Variants in PITPNM2 observed in about 807,000 individuals in gnomAD.
The protein encoded by PITPNM2 is phosphatidylinositol transfer protein membrane associated 2.
A neutral mutation model predicts 132.2 loss-of-function variants in PITPNM2; 35 were observed. That is an observed-to-expected ratio of 0.26 (90% CI 0.20 to 0.35). The LOEUF (loss-of-function observed/expected upper bound fraction) is 0.35. Ranked by LOEUF, PITPNM2 falls within the 10% of genes least tolerant of loss-of-function variation. The pLI, the probability that PITPNM2 is intolerant of heterozygous loss-of-function variation, is 1.00. For missense variants in PITPNM2, 1,332 were observed against 1,912.0 expected (o/e 0.70, Z 5.66); for synonymous variants, 738 against 799.2 (o/e 0.92, Z 1.29).
intron 2 of PITPNM2, among the ~76,000 whole-genome samples, chr12:123,047,454 G>T (rs1420908178): frequency 6.6e-6 from 1 of 152,114 alleles, no homozygotes; most frequent in African/African-American, 2.4e-5. Flanking sequence ...GGAAAGACCT[G>T]GGAATAAGAA....
chr12:122,987,818 C>T lies in PITPNM2; in HGVS notation c.3081G>A (p.Gly1027=). 1 of 1,614,014 alleles carries T rather than the reference C, an allele frequency of 6.2e-7. No homozygotes were observed. Among genetic ancestry groups the T allele is most frequent in the Non-Finnish European group, 8.5e-7 (1 of 1,180,004 alleles). ...CAGTCAGGGTGACCATGTCCAGGGG[C>T]CCATACATGAACCTGCCCGTCAGAA... ...PQVLTGRFMY[G]PLDMVTLTGE... The change falls in exon 21 of 26, where the codon GGG becomes GGA. Residue 1027 remains glycine (G), a synonymous_variant. Transcript: ENST00000320201.
chr12:123,019,476 C>A (rs911081709), intron 3 of PITPNM2, among the ~76,000 whole-genome samples: 3 of 152,182 alleles, frequency 2.0e-5, no homozygotes, highest in African/African-American at 7.2e-5. Flanking sequence ...ACCTTTAGAA[C>A]ACCAGGCCGA....
chr12:122,995,376 C>G lies in PITPNM2; in HGVS notation c.2054+13G>C, dbSNP rs774243442. 3 of 1,575,974 alleles carry G rather than the reference C, an allele frequency of 1.9e-6. No individual in the cohort carries two copies. In the Admixed American group the frequency reaches 5.1e-5, roughly 27 times the overall value. ...CACCCAGAGGCAAGCCCCAGCCCCC[C>G]AGCCCTGCCCACCTGGACAGGAAGG... On this transcript the variant is annotated intron_variant, in intron 14 of 25. Coordinates refer to ENST00000320201, the MANE Select transcript of PITPNM2 (RefSeq NM_020845.3).
chr12:123,138,309 A>G (rs1460142136), intron 1 of PITPNM2, among the ~76,000 whole-genome samples: 2 of 150,982 alleles, frequency 1.3e-5, no homozygotes, highest in Non-Finnish European at 3.0e-5. Context: ...TTATCCAGAC[A>G]TGGTGGTGCG....
At chr12:123,070,380 G>A (rs1293532290) in intron 2 of PITPNM2, among the ~76,000 whole-genome samples, 1 of 152,168 alleles carries the variant, frequency 6.6e-6, no homozygotes, top group Non-Finnish European at 1.5e-5. Flanking sequence ...GTATCCAAGG[G>A]CCCCAGGACC....
intron 2 of PITPNM2, among the ~76,000 whole-genome samples, chr12:123,098,054 G>A (rs1376563439): frequency 6.6e-6 from 1 of 152,230 alleles, no homozygotes; most frequent in African/African-American, 2.4e-5. Flanking sequence ...CAGAGAAAGA[G>A]AGAAGAATCA....
At chr12:123,041,909 T>C (rs893828330) in intron 2 of PITPNM2, among the ~76,000 whole-genome samples, 1 of 151,802 alleles carries the variant, frequency 6.6e-6, no homozygotes, top group Non-Finnish European at 1.5e-5. Context: ...GTCTTCAGGT[T>C]CCAGACCCTG....
chr12:123,119,724 C>T (rs902350707), intron 1 of PITPNM2, among the ~76,000 whole-genome samples: 7 of 151,826 alleles, frequency 4.6e-5, no homozygotes, highest in Admixed American at 4.6e-4. Flanking sequence ...TCCATGAGTA[C>T]TAATATCAGG....
rs891910191 is a variant in PITPNM2 at position 123,150,564 on chromosome 12, G to A, written c.-200+189C>T. On this transcript the variant is annotated intron_variant, in intron 1 of 25. Coordinates refer to ENST00000320201, the MANE Select transcript of PITPNM2 (RefSeq NM_020845.3). This position sits in a 1 kb window ranked among gnomAD's most constrained non-coding sequence, Gnocchi z 6.0. ...GGGCGGTCTCCCGAGCGGGGCTCCC[G>A]TACGCCACACCCTCCTCCCTGCCCG... Among the ~76,000 whole-genome samples, 2 of 151,192 alleles carry A rather than the reference G, an allele frequency of 1.3e-5. No individual in the cohort carries two copies. The highest frequency in any genetic ancestry group is 3.0e-5 in the Non-Finnish European group (2 of 67,742).
chr12:122,989,771 GT>G lies in PITPNM2; in HGVS notation c.2731+15del. The G allele has an allele frequency of 7.2e-7, 1 of 1,384,546 alleles. No individual in the cohort carries two copies. Among genetic ancestry groups the G allele is most frequent in the Non-Finnish European group, 9.4e-7 (1 of 1,063,994 alleles). The allele number at this position is 1,384,546 out of a possible 1,614,324, so 85.8% of individuals were successfully genotyped here. On this transcript the variant is annotated intron_variant, in intron 18 of 25. Coordinates refer to ENST00000320201, the MANE Select transcript of PITPNM2 (RefSeq NM_020845.3). Reference sequence around the variant, plus strand: ...CAGAGTGACCCCCAGTGAGGGGAAAGTGTGTGGGGTGGTACCTTCTCCAATG... The same window carrying G: ...CAGAGTGACCCCCAGTGAGGGGAAAGGTGTGGGGTGGTACCTTCTCCAATG...
rs201491906 is a variant in PITPNM2, at chr12:122,987,534, G to T, written c.3240C>A (p.Val1080=). 7.4e-6 allele frequency: 12 copies of T among 1,613,726 alleles called. No individual in the cohort carries two copies. Among genetic ancestry groups the T allele is most frequent in the Non-Finnish European group, 1.0e-5 (12 of 1,179,844 alleles). Reference sequence around the variant, plus strand: ...ACCTGACCACCATCTTGATAGGGTAGACACCCACGCCCAGGCGGTGCGACT... The same window carrying T: ...ACCTGACCACCATCTTGATAGGGTATACACCCACGCCCAGGCGGTGCGACT... ...IPESHRLGVG[V]YPIKMVVRGD... is the part of the protein sequence containing the mutation. Residue 1080 remains valine, a synonymous_variant, in exon 22 of 26, where the codon GTC becomes GTA. Coordinates refer to ENST00000320201, the MANE Select transcript of PITPNM2 (RefSeq NM_020845.3).
rs2042029810 is a variant in PITPNM2 at position 123,083,671 on chromosome 12, GGCAGCA to G, written c.-96+26708_-96+26713del. ...GACAATGTGCCCTGGAGCCTCACAA[GGCAGCA>G]GCCACCAGGAAGAGGCATGGAGGCC... On this transcript the variant is annotated intron_variant, in intron 2 of 25. Coordinates refer to ENST00000320201, the MANE Select transcript of PITPNM2 (RefSeq NM_020845.3). The surrounding 1 kb of genome is among the most constrained non-coding windows in gnomAD (Gnocchi z 4.5). 1 of 152,470 alleles carries G rather than the reference GGCAGCA, an allele frequency of 6.6e-6. No homozygotes were observed. The highest frequency in any genetic ancestry group is 2.4e-5 in the African/African-American group (1 of 41,460). The allele number at this position is 152,470 out of a possible 1,614,324, so 9.4% of individuals were successfully genotyped here. A position where few individuals can be genotyped will look rare whatever the true frequency, so the allele number is the denominator to read the frequency against.
At chr12:123,065,304 C>G (rs530212581) in intron 2 of PITPNM2, among the ~76,000 whole-genome samples, 1 of 152,364 alleles carries the variant, frequency 6.6e-6, no homozygotes, top group African/African-American at 2.4e-5. Flanking sequence ...ATGGGGCAGG[C>G]AGCAGGACTC....
chr12:123,026,811 T>C (rs2039878397), intron 3 of PITPNM2, among the ~76,000 whole-genome samples: 1 of 152,264 alleles, frequency 6.6e-6, no homozygotes, highest in Non-Finnish European at 1.5e-5. Context: ...CAGTGCTCCT[T>C]GGCCCATGCT....
intron 1 of PITPNM2, among the ~76,000 whole-genome samples, chr12:123,142,142 G>A (rs997191109): frequency 7.2e-5 from 11 of 152,224 alleles, no homozygotes; most frequent in Non-Finnish European, 1.5e-4. Context: ...GCTCTGGTGA[G>A]TCACCCAAGG....
chr12:123,132,439 T>C (rs1192140377), intron 1 of PITPNM2, among the ~76,000 whole-genome samples: 1 of 152,098 alleles, frequency 6.6e-6, no homozygotes, highest in African/African-American at 2.4e-5. Flanking sequence ...CGAGAGCCAC[T>C]GGAGGTTCTC....
chr12:123,018,486 C>T (rs12312372), intron 3 of PITPNM2, among the ~76,000 whole-genome samples: 1 of 151,374 alleles, frequency 6.6e-6, no homozygotes, highest in African/African-American at 2.4e-5. Flanking sequence ...GTAAAGACAG[C>T]GTTTTGCCAT....
intron 2 of PITPNM2, among the ~76,000 whole-genome samples, chr12:123,062,524 C>CA (rs36079009): frequency 2.6e-4 from 39 of 151,496 alleles, no homozygotes; most frequent in African/African-American, 8.5e-4. Flanking sequence ...TATTTACCAG[C>CA]AAAAAAAAGT....
Position 122,988,755 on chromosome 12 carries a change from G to A in PITPNM2, c.2849C>T (p.Ser950Leu). 6.4e-7 allele frequency: 1 copy of A among 1,570,634 alleles called. No individual in the cohort carries two copies. Among genetic ancestry groups the A allele is most frequent in the Non-Finnish European group, 8.6e-7 (1 of 1,157,626 alleles). ...CAGCAGAAAGGAGACCACGTCTGTT[G>A]ACTCCCAGTAGCTGGCGTGGAAGAG... ...PHLFHASYWESTDVVSFLLRQ... is the reference protein window; with the variant it reads ...PHLFHASYWELTDVVSFLLRQ... The change falls in exon 19 of 26, where the codon TCA (serine) becomes TTA (leucine). Residue 950 changes from serine to leucine, a missense_variant. By Grantham distance (145) the Ser-to-Leu change is moderately radical. This residue lies in a region of PITPNM2 where 251 missense variants were observed against 472.0 expected (regional missense o/e 0.53). Coordinates refer to ENST00000320201, the MANE Select transcript of PITPNM2 (RefSeq NM_020845.3).
Sources: gnomAD v4.1 joint callset for allele counts (sites outside exome capture counted in the v4.1 genomes callset) on GRCh38, gnomAD v4.1.1 for gene constraint, gnomAD v4.1.1 regional missense constraint, Gnocchi (gnomAD v3.1) non-coding constraint, MANE v1.5 for transcripts, NCBI Gene and HGNC (gene_info 2026-07-23, HGNC 2026-07-21) for gene names.